The following ELP4 variants were observed in gnomAD, a reference collection of about 807,000 sequenced individuals.
The protein encoded by ELP4 is elongator acetyltransferase complex subunit 4.
ELP4 carries 51 observed loss-of-function variants against 48.9 expected under a neutral mutation model. The ratio of observed to expected loss-of-function variants is 1.04; its 90% CI spans 0.83 to 1.32. The LOEUF is 1.32. ELP4 is among the 40% of genes most tolerant of loss of function. ELP4 has a pLI of 0.00. For synonymous variants in ELP4, 210 were observed against 189.2 expected (o/e 1.11, Z -0.90); for missense variants, 519 against 514.6 (o/e 1.01, Z -0.08).
At chr11:31,644,888 A>C (rs992011301) in intron 7 of ELP4, among the ~76,000 whole-genome samples, 1 of 151,758 alleles carries the variant, frequency 6.6e-6, no homozygotes, top group Non-Finnish European at 1.5e-5. Context: ...TTTATAGTAA[A>C]AATAAACATT....
chr11:31,644,013 A>G (rs1369681499), intron 7 of ELP4, among the ~76,000 whole-genome samples: 1 of 151,686 alleles, frequency 6.6e-6, no homozygotes, highest in Admixed American at 6.6e-5. Context: ...TTGCCAGCAA[A>G]CTCTTAAAAC....
chr11:31,639,615 C>T (rs2134057621), intron 7 of ELP4, among the ~76,000 whole-genome samples: 1 of 151,938 alleles, frequency 6.6e-6, no homozygotes, highest in Admixed American at 6.6e-5. Context: ...CTATAAAGTT[C>T]TGTCTATATT....
chr11:31,537,995 A>G (rs1199313541), intron 2 of ELP4, among the ~76,000 whole-genome samples: 1 of 152,148 alleles, frequency 6.6e-6, no homozygotes, highest in Non-Finnish European at 1.5e-5. Context: ...TGAACATGAT[A>G]TATCTCTCCA....
At chr11:31,632,643 T>C in intron 7 of ELP4, 1 of 367,142 alleles carries the variant, frequency 2.7e-6, no homozygotes, top group East Asian at 4.3e-5. Flanking sequence ...TCCTCCTATC[T>C]ATGACTTGCT....
chr11:31,561,372 C>G (rs1024873192), intron 3 of ELP4, among the ~76,000 whole-genome samples: 2 of 152,138 alleles, frequency 1.3e-5, no homozygotes, highest in African/African-American at 4.8e-5. Flanking sequence ...TCATTCTTGT[C>G]TCTCTTTGAG....
chr11:31,542,184 C>T (rs1300195792), intron 3 of ELP4, among the ~76,000 whole-genome samples: 3 of 152,144 alleles, frequency 2.0e-5, no homozygotes, highest in Non-Finnish European at 4.4e-5. Context: ...AGAAGGCAAA[C>T]CCTGTCATTT....
At chr11:31,586,018 A>G (rs1258796260) in intron 3 of ELP4, among the ~76,000 whole-genome samples, 2 of 152,150 alleles carry the variant, frequency 1.3e-5, no homozygotes, top group Non-Finnish European at 2.9e-5. Flanking sequence ...CCAGGAGTTC[A>G]AGGAAAAAGA....
At chr11:31,764,945 A>G (rs1197786059) in intron 9 of ELP4, among the ~76,000 whole-genome samples, 2 of 152,180 alleles carry the variant, frequency 1.3e-5, no homozygotes, top group Admixed American at 1.3e-4. Context: ...CCTTTAAATC[A>G]AAAGGACCGC....
chr11:31,599,482 TACAC>T (rs1158380515), intron 4 of ELP4: 34 of 94,964 alleles, frequency 3.6e-4, no homozygotes, highest in African/African-American at 1.2e-3. Flanking sequence ...CTCATTTTAA[TACAC>T]ACACACACAC....
At chr11:31,651,050 C>T (rs907373785) in intron 9 of ELP4, 1 of 151,540 alleles carries the variant, frequency 6.6e-6, no homozygotes, top group Non-Finnish European at 1.5e-5. Context: ...AGAGAATTGC[C>T]ACCAATAAAT....
At chr11:31,760,502 T>TA (rs1275083874) in intron 9 of ELP4, among the ~76,000 whole-genome samples, 1 of 152,200 alleles carries the variant, frequency 6.6e-6, no homozygotes, top group Non-Finnish European at 1.5e-5. Context: ...TGCATCAGTT[T>TA]AAGTATGCTA....
intron 5 of ELP4, among the ~76,000 whole-genome samples, chr11:31,620,298 G>A (rs944690265): frequency 6.6e-6 from 1 of 151,940 alleles, no homozygotes; most frequent in South Asian, 2.1e-4. Context: ...AGGAAGTGAG[G>A]ATAAGGATTG....
intron 9 of ELP4, among the ~76,000 whole-genome samples, chr11:31,665,918 G>C (rs1945663605): frequency 6.6e-6 from 1 of 150,914 alleles, no homozygotes; most frequent in Non-Finnish European, 1.5e-5. Flanking sequence ...GCCTCTCAAA[G>C]TGCTGGGATT....
At chr11:31,608,634 G>A (rs1019887511) in intron 5 of ELP4, among the ~76,000 whole-genome samples, 1 of 151,906 alleles carries the variant, frequency 6.6e-6, no homozygotes, top group East Asian at 1.9e-4. Flanking sequence ...GGAGCAGGAG[G>A]GACTCTGGTT....
At chr11:31,591,911 G>C (rs1483093472) in intron 3 of ELP4, among the ~76,000 whole-genome samples, 1 of 152,030 alleles carries the variant, frequency 6.6e-6, no homozygotes, top group Non-Finnish European at 1.5e-5. Flanking sequence ...AATAGTATTC[G>C]ACCATAAAAA....
intron 9 of ELP4, among the ~76,000 whole-genome samples, chr11:31,731,523 A>G (rs569782170): frequency 3.9e-4 from 59 of 151,520 alleles, no homozygotes; most frequent in Non-Finnish European, 7.1e-4. Context: ...AAAAGAAAAA[A>G]AGAATGAAGA....
intron 9 of ELP4, among the ~76,000 whole-genome samples, chr11:31,738,026 G>A (rs1210481792): frequency 6.6e-6 from 1 of 152,050 alleles, no homozygotes. Context: ...TAGCCAAGAG[G>A]TGAGAGGAAC....
At chr11:31,728,704 C>G (rs1947126170) in intron 9 of ELP4, among the ~76,000 whole-genome samples, 1 of 152,124 alleles carries the variant, frequency 6.6e-6, no homozygotes, top group South Asian at 2.1e-4. Context: ...GTTTATTTAT[C>G]TGGATTAATG....
At chr11:31,761,235 G>T (rs906624000) in intron 9 of ELP4, among the ~76,000 whole-genome samples, 3 of 151,954 alleles carry the variant, frequency 2.0e-5, no homozygotes, top group African/African-American at 4.8e-5. Flanking sequence ...CTACTCAGGA[G>T]GCTGAGGTGG....
Sources: gnomAD v4.1 joint callset for allele counts (sites outside exome capture counted in the v4.1 genomes callset) on GRCh38, gnomAD v4.1.1 for gene constraint, MANE v1.5 for transcripts, NCBI Gene and HGNC (gene_info 2026-07-23, HGNC 2026-07-21) for gene names.